TCF7L2: variants seen among roughly 807,000 people sequenced by gnomAD.
TCF7L2 encodes transcription factor 7-like 2.
In TCF7L2, 23 loss-of-function variants were observed where a neutral mutation model predicts 77.9. That is an observed-to-expected ratio of 0.30 (90% CI 0.21 to 0.42). TCF7L2 has a LOEUF of 0.42. Ranked by LOEUF, TCF7L2 falls within the 10% of genes least tolerant of loss-of-function variation. The pLI, the probability that TCF7L2 is intolerant of heterozygous loss-of-function variation, is 1.00. For synonymous variants in TCF7L2, 413 were observed against 340.2 expected, an observed-to-expected ratio of 1.21 and a Z score of -2.36; for missense variants, 654 against 793.1, an observed-to-expected ratio of 0.82 and a Z score of 2.11.
intron 5 of TCF7L2, among the ~76,000 whole-genome samples, chr10:113,098,760 C>G (rs1030622360): frequency 6.6e-6 from 1 of 152,138 alleles, no homozygotes; most frequent in African/African-American, 2.4e-5. Context: ...TGATCATTGA[C>G]TTTTTCTTTT....
chr10:113,002,197 C>G (rs1477469035), intron 4 of TCF7L2, among the ~76,000 whole-genome samples: 1 of 152,164 alleles, frequency 6.6e-6, no homozygotes, highest in Non-Finnish European at 1.5e-5. Flanking sequence ...AACCCTGATC[C>G]AGATGTTTTC....
At chr10:113,161,895 G>A (rs2073221775) in intron 13 of TCF7L2, among the ~76,000 whole-genome samples, 1 of 152,180 alleles carries the variant, frequency 6.6e-6, no homozygotes, top group African/African-American at 2.4e-5. Context: ...TGTGGAATGA[G>A]GGATTTGGGG....
At chr10:113,106,710 A>G (rs548317800) in intron 5 of TCF7L2, among the ~76,000 whole-genome samples, 2 of 152,374 alleles carry the variant, frequency 1.3e-5, no homozygotes, top group South Asian at 2.1e-4. Context: ...TGCTTTAGCG[A>G]TACATAGACA....
intron 5 of TCF7L2, among the ~76,000 whole-genome samples, chr10:113,114,426 A>C (rs1362366825): frequency 6.6e-6 from 1 of 152,128 alleles, no homozygotes; most frequent in Non-Finnish European, 1.5e-5. Context: ...CTTAGCAGAG[A>C]ATACATCCCT....
intron 4 of TCF7L2, among the ~76,000 whole-genome samples, chr10:113,021,715 CCA>C (rs1286889862): frequency 2.0e-5 from 3 of 152,228 alleles, no homozygotes; most frequent in African/African-American, 7.2e-5. Context: ...ACTCTTTAAA[CCA>C]CACTCAAAAC....
intron 5 of TCF7L2, among the ~76,000 whole-genome samples, chr10:113,071,821 A>T (rs977694309): frequency 3.3e-5 from 5 of 152,162 alleles, no homozygotes; most frequent in African/African-American, 1.2e-4. Flanking sequence ...GGCAGGTCAC[A>T]TTGGTGCAGA....
chr10:112,956,886 TG>T (rs1289017938), intron 3 of TCF7L2, among the ~76,000 whole-genome samples: 1 of 152,104 alleles, frequency 6.6e-6, no homozygotes, highest in South Asian at 2.1e-4. Context: ...AGCAATGAGA[TG>T]GGGGGAGGTG....
At chr10:113,049,465 A>G (rs1438221991) in intron 5 of TCF7L2, among the ~76,000 whole-genome samples, 1 of 151,724 alleles carries the variant, frequency 6.6e-6, no homozygotes, top group Non-Finnish European at 1.5e-5. Context: ...TGTCCTCTCT[A>G]CCTTCAAAGC....
At chr10:113,150,592 A>G (rs1371440628) in intron 8 of TCF7L2, among the ~76,000 whole-genome samples, 1 of 152,242 alleles carries the variant, frequency 6.6e-6, no homozygotes, top group Non-Finnish European at 1.5e-5. Flanking sequence ...CTGTCAATAT[A>G]CAACAAAAGA....
intron 5 of TCF7L2, chr10:113,127,159 C>G (rs2065784031): frequency 6.5e-6 from 1 of 153,954 alleles, no homozygotes; most frequent in Admixed American, 6.6e-5. Flanking sequence ...CTATACCTCC[C>G]CCCACCCCGA....
At chr10:113,050,851 A>G (rs752089721) in intron 5 of TCF7L2, among the ~76,000 whole-genome samples, 9 of 152,180 alleles carry the variant, frequency 5.9e-5, no homozygotes, top group African/African-American at 7.2e-5. Context: ...TCTGAAAAGC[A>G]CTGAGTTGGC....
intron 4 of TCF7L2, 71 bp from the exon 5 acceptor site, chr10:113,039,954 T>C: frequency 7.5e-7 from 1 of 1,328,230 alleles, no homozygotes; most frequent in Non-Finnish European, 1.1e-6. Context: ...CAGTTATTTC[T>C]TGGGCTAGTT....
intron 4 of TCF7L2, among the ~76,000 whole-genome samples, chr10:113,005,686 GTGGTCTGCAAAGGGGTTGGC>G (rs1450923527): frequency 6.6e-6 from 1 of 152,144 alleles, no homozygotes; most frequent in Non-Finnish European, 1.5e-5. Flanking sequence ...CTCCAGAAAG[GTGGTCTGCAAAGGGGTTGGC>G]TGGGGGGGAG....
Position 113,144,039 on chromosome 10 carries a change from T to C in TCF7L2, c.788+14T>C, listed in dbSNP as rs1432281322. ...GTTAGTACCACAGTAAGGAGTTCCA[T>C]TTTTTAATTTCCTTTTTGTTTCTTA... On this transcript the variant is annotated intron_variant, in intron 7 of 13. Coordinates refer to ENST00000627217, the MANE Select transcript of TCF7L2 (RefSeq NM_001146274.2). 2.5e-6 allele frequency: 4 copies of C among 1,601,916 alleles called. No homozygotes were observed. The highest frequency in any genetic ancestry group is 1.1e-5 in the South Asian group (1 of 90,550).
Position 113,085,549 on chromosome 10 carries a change from A to T in TCF7L2, c.552+45423A>T, listed in dbSNP as rs202207286. The stretch of plus-strand genomic sequence containing the variant: ...TATTCGATTGCATTAGCGTTTGAAT[A>T]TTACCCAGCTAGTTGTGGAGTGGGG... On this transcript the variant is annotated intron_variant, in intron 5 of 13. Coordinates refer to ENST00000627217, the MANE Select transcript of TCF7L2 (RefSeq NM_001146274.2). Among the ~76,000 whole-genome samples the T allele has an allele frequency of 1.4e-4, 21 of 152,334 alleles. No individual in the cohort carries two copies. The East Asian group carries it at 4.0e-3, about 29-fold the overall frequency.
chr10:113,015,700 T>G (rs2047224510), intron 4 of TCF7L2, among the ~76,000 whole-genome samples: 2 of 152,146 alleles, frequency 1.3e-5, no homozygotes, highest in African/African-American at 4.8e-5. Context: ...CAGGCTGGTC[T>G]CAAACTCCTG....
At chr10:113,149,709 A>G (rs1347031301) in intron 8 of TCF7L2, among the ~76,000 whole-genome samples, 1 of 145,256 alleles carries the variant, frequency 6.9e-6, no homozygotes, top group Non-Finnish European at 1.6e-5. Flanking sequence ...TTGGCTTTGT[A>G]AAGAGCAGAT....
intron 5 of TCF7L2, among the ~76,000 whole-genome samples, chr10:113,106,983 A>G (rs1374968465): frequency 6.6e-6 from 1 of 152,222 alleles, no homozygotes; most frequent in Non-Finnish European, 1.5e-5. Flanking sequence ...CATGATCAGA[A>G]TGGATGCAAG....
At chr10:112,970,195 C>T (rs1368518525) in intron 4 of TCF7L2, among the ~76,000 whole-genome samples, 3 of 152,128 alleles carry the variant, frequency 2.0e-5, no homozygotes, top group Admixed American at 6.5e-5. Flanking sequence ...TGCATGTGCG[C>T]GCTTGTGCGT....
Sources: allele counts gnomAD v4.1 joint callset (sites outside exome capture counted in the v4.1 genomes callset), GRCh38; gene constraint gnomAD v4.1.1; transcripts MANE v1.5; gene names NCBI Gene and HGNC (gene_info 2026-07-23, HGNC 2026-07-21).